GNL1: variants seen among roughly 807,000 people sequenced by gnomAD.
GNL1 encodes the protein G protein nucleolar 1, also known as guanine nucleotide-binding protein-like 1.
Under a neutral mutation model 75.2 loss-of-function variants are expected in GNL1, and 21 were observed. The observed-to-expected ratio is 0.28, with a 90% CI of 0.20 to 0.40. GNL1 has a LOEUF of 0.40. Ranked by LOEUF, GNL1 falls within the 10% of genes least tolerant of loss-of-function variation. The probability of loss-of-function intolerance (pLI) is 1.00; values close to 1 mark genes in which losing one functional copy is unlikely to be tolerated. For synonymous variants in GNL1, 287 were observed against 303.4 expected, an observed-to-expected ratio of 0.95 and a Z score of 0.56; for missense variants, 579 against 775.0, an observed-to-expected ratio of 0.75 and a Z score of 3.00.
intron 8 of GNL1, among the ~76,000 whole-genome samples, chr6:30,551,925 C>G (rs1037507540): frequency 2.0e-5 from 3 of 152,036 alleles, no homozygotes; most frequent in Non-Finnish European, 2.9e-5. Flanking sequence ...TGCAGTGGCA[C>G]AATCATAGCT....
In GNL1 at chr6:30,555,834, C is replaced by A; in HGVS notation, c.74-114G>T. On this transcript the variant is annotated intron_variant, in intron 1 of 11. Transcript: ENST00000376621. This position sits in a 1 kb window ranked among gnomAD's most constrained non-coding sequence, Gnocchi z 4.3. ...CACTCAACTTCTTCCGATGTTCAGTCCTCCCAGACACCCTATTTGGGACCC... is the reference window on the plus strand; with the variant it reads ...CACTCAACTTCTTCCGATGTTCAGTACTCCCAGACACCCTATTTGGGACCC... The A allele has an allele frequency of 8.8e-7, 1 of 1,142,734 alleles. No individual in the cohort carries two copies. Among genetic ancestry groups the A allele is most frequent in the African/African-American group, 1.5e-5 (1 of 65,240 alleles). The allele number at this position is 1,142,734 out of a possible 1,614,324, so 70.8% of individuals were successfully genotyped here.
rs1799486455 is a variant in GNL1 at position 30,546,911 on chromosome 6, G to A, written c.1442-75C>T. ...GTTATACTCCCACTCCCATAACACA[G>A]TCCTTCCAGTTTTCCCCAAAACATT... On this transcript the variant is annotated intron_variant, in intron 10 of 11. Coordinates refer to ENST00000376621, the MANE Select transcript of GNL1 (RefSeq NM_005275.5). This position sits in a 1 kb window ranked among gnomAD's most constrained non-coding sequence, Gnocchi z 5.1. 3 of 1,319,964 alleles carry A rather than the reference G, an allele frequency of 2.3e-6. No homozygotes were observed. The South Asian group carries it at 3.9e-5, about 17-fold the overall frequency. 81.8% of individuals were successfully genotyped at this position (1,319,964 alleles called of 1,614,324 possible). A position where few individuals can be genotyped will look rare whatever the true frequency, so the allele number is the denominator to read the frequency against.
rs1799359483 is a variant in GNL1, at chr6:30,544,825, G to C, written c.*1247C>G. The C allele has an allele frequency of 6.6e-6, 1 of 152,040 alleles. No homozygotes were observed. Among genetic ancestry groups the C allele is most frequent in the South Asian group, 2.1e-4 (1 of 4,828 alleles). 9.4% of individuals were successfully genotyped at this position (152,040 alleles called of 1,614,324 possible). Reference sequence around the variant, plus strand: ...AGATCCTGAAAGGATCTGCTTTAGAGAAAAAAGGAGTCTGGTACTTCTCAC... The same window carrying C: ...AGATCCTGAAAGGATCTGCTTTAGACAAAAAAGGAGTCTGGTACTTCTCAC... On this transcript the variant is annotated 3_prime_UTR_variant, in exon 12 of 12. Coordinates refer to ENST00000376621, the MANE Select transcript of GNL1 (RefSeq NM_005275.5).
chr6:30,549,588 A>C (rs1266757470), intron 8 of GNL1, among the ~76,000 whole-genome samples: 2 of 152,134 alleles, frequency 1.3e-5, no homozygotes, highest in Non-Finnish European at 2.9e-5. Flanking sequence ...TCACATTGCC[A>C]AGCCTGCTGA....
At position 30,546,621 on chromosome 6, in the gene GNL1, C is replaced by G; in HGVS notation, c.1582+75G>C. The G allele has an allele frequency of 1.6e-6, 2 of 1,256,566 alleles. No homozygotes were observed. Among genetic ancestry groups the G allele is most frequent in the South Asian group, 1.4e-5 (1 of 71,380 alleles). The allele number at this position is 1,256,566 out of a possible 1,614,324, so 77.8% of individuals were successfully genotyped here. A position where few individuals can be genotyped will look rare whatever the true frequency, so the allele number is the denominator to read the frequency against. On this transcript the variant is annotated intron_variant, in intron 11 of 11. Coordinates refer to ENST00000376621, the MANE Select transcript of GNL1 (RefSeq NM_005275.5). This position sits in a 1 kb window ranked among gnomAD's most constrained non-coding sequence, Gnocchi z 5.1. ...AGGTACAGAATCCAGGTTTGACCCT[C>G]TCTCTGGCCACAAAGCCCACACCCT...
intron 8 of GNL1, among the ~76,000 whole-genome samples, chr6:30,550,817 T>C (rs913036466): frequency 6.6e-6 from 1 of 152,136 alleles, no homozygotes; most frequent in Non-Finnish European, 1.5e-5. Flanking sequence ...TGGGCACTCT[T>C]GCTGGTCCTA....
intron 8 of GNL1, among the ~76,000 whole-genome samples, chr6:30,551,072 G>A (rs1287249014): frequency 6.6e-6 from 1 of 152,132 alleles, no homozygotes. Context: ...CATTTCCACA[G>A]CAGTATGTCC....
rs557939415 is a variant in GNL1 at position 30,547,689 on chromosome 6, C to T, written c.1100-159G>A. The T allele has an allele frequency of 4.7e-6, 3 of 632,256 alleles. No individual in the cohort carries two copies. The highest frequency in any genetic ancestry group is 8.1e-6 in the Non-Finnish European group (3 of 371,636). The allele number at this position is 632,256 out of a possible 1,614,324, so 39.2% of individuals were successfully genotyped here. Reference sequence around the variant, plus strand: ...CTGGGCTGCCAGGGTTAAATCCTGGCCCTTCCACTTACCAGCTTTGTGATG... The same window carrying T: ...CTGGGCTGCCAGGGTTAAATCCTGGTCCTTCCACTTACCAGCTTTGTGATG... On this transcript the variant is annotated intron_variant, in intron 8 of 11. Transcript: ENST00000376621. This position sits in a 1 kb window ranked among gnomAD's most constrained non-coding sequence, Gnocchi z 5.5.
rs1032103695 is a variant in GNL1 at position 30,548,558 on chromosome 6, T to G, written c.1100-1028A>C. ...TTCTTACTTGACTCAGATTTCATGA[T>G]CCAGCTCCTCAGCCAGGCCCGTTCA... On this transcript the variant is annotated intron_variant, in intron 8 of 11. Coordinates refer to ENST00000376621, the MANE Select transcript of GNL1 (RefSeq NM_005275.5). The surrounding 1 kb of genome is among the most constrained non-coding windows in gnomAD (Gnocchi z 4.2). 6.6e-6 allele frequency among the ~76,000 whole-genome samples: 1 copy of G among 152,152 alleles called. No homozygotes were observed. The highest frequency in any genetic ancestry group is 1.5e-5 in the Non-Finnish European group (1 of 68,028).
Position 30,555,775 on chromosome 6 carries a change from C to A in GNL1, c.74-55G>T. ...TGGCCAGCTCTCAGGGGCCATAAGA[C>A]CCTCTCCCCCATCGGCCTGACTCCC... is the stretch of plus-strand genomic sequence containing the variant. On this transcript the variant is annotated intron_variant, in intron 1 of 11. Coordinates refer to ENST00000376621, the MANE Select transcript of GNL1 (RefSeq NM_005275.5). This position sits in a 1 kb window ranked among gnomAD's most constrained non-coding sequence, Gnocchi z 4.3. 6.4e-7 allele frequency: 1 copy of A among 1,558,658 alleles called. No individual in the cohort carries two copies. Among genetic ancestry groups the A allele is most frequent in the Non-Finnish European group, 8.8e-7 (1 of 1,137,346 alleles).
In GNL1 at chr6:30,556,046, A is replaced by T; in HGVS notation, c.73+85T>A. ...CGCGGTCCCACGACCCCCTCCCACG[A>T]TCCCCAGAGGTGCAGCGGGCACACC... On this transcript the variant is annotated intron_variant, in intron 1 of 11. Transcript: ENST00000376621. The surrounding 1 kb of genome is among the most constrained non-coding windows in gnomAD (Gnocchi z 5.7). 6.6e-7 allele frequency: 1 copy of T among 1,525,190 alleles called. No individual in the cohort carries two copies. The highest frequency in any genetic ancestry group is 1.4e-5 in the African/African-American group (1 of 73,444). The allele number at this position is 1,525,190 out of a possible 1,614,324, so 94.5% of individuals were successfully genotyped here. A position where few individuals can be genotyped will look rare whatever the true frequency, so the allele number is the denominator to read the frequency against.
In GNL1 at chr6:30,546,846, GA is replaced by G. The variant is rs757838072; in HGVS notation, c.1442-11del. The G allele has an allele frequency of 8.2e-6, 13 of 1,581,238 alleles. No individual in the cohort carries two copies. The highest frequency in any genetic ancestry group is 1.8e-5 in the Admixed American group (1 of 56,240). On this transcript the variant is annotated splice_polypyrimidine_tract_variant and intron_variant, in intron 10 of 11. Coordinates refer to ENST00000376621, the MANE Select transcript of GNL1 (RefSeq NM_005275.5). This position sits in a 1 kb window ranked among gnomAD's most constrained non-coding sequence, Gnocchi z 5.1. ...CGTTTCTCTGCCCAGGCTGGAGGAA[GA>G]AAAGAATAATGGAAAGGGAAAGCAT...
At position 30,555,438 on chromosome 6, in the gene GNL1, C is replaced by G. The variant is rs1424850453; in HGVS notation, c.239+117G>C. On this transcript the variant is annotated intron_variant, in intron 2 of 11. Transcript: ENST00000376621. The surrounding 1 kb of genome is among the most constrained non-coding windows in gnomAD (Gnocchi z 4.3). ...CCGCTGTGGGGAGCCGAGTGGCTAG[C>G]GGAGAACTGTGGCATCCCAGGCCCA... 1 of 1,091,782 alleles carries G rather than the reference C, an allele frequency of 9.2e-7. No homozygotes were observed. Among genetic ancestry groups the G allele is most frequent in the East Asian group, 2.4e-5 (1 of 42,064 alleles). The allele number at this position is 1,091,782 out of a possible 1,614,324, so 67.6% of individuals were successfully genotyped here.
rs142734504 is a variant in GNL1, at chr6:30,552,628, C to G, written c.938G>C (p.Arg313Pro). 1 of 1,613,922 alleles carries G rather than the reference C, an allele frequency of 6.2e-7. No homozygotes were observed. Among genetic ancestry groups the G allele is most frequent in the Non-Finnish European group, 8.5e-7 (1 of 1,179,926 alleles). The change falls in exon 8 of 12, where the codon CGG becomes CCG. Residue 313 changes from arginine (R) to proline (P), a missense_variant. By Grantham distance (103) the Arg-to-Pro change is moderately radical (BLOSUM62 -2). Transcript: ENST00000376621. The surrounding 1 kb of genome is among the most constrained non-coding windows in gnomAD (Gnocchi z 4.5). Reference sequence around the variant, plus strand: ...ACCCCAGGTGGCCCCAGCCACATCCCGAGCAATCTTCTCCCGCCAGCTGCT... The same window carrying G: ...ACCCCAGGTGGCCCCAGCCACATCCGGAGCAATCTTCTCCCGCCAGCTGCT... ...DLSSWREKIA[R>P]DVAGATWGNG...
At chr6:30,553,229 T>C (rs372722311) in intron 6 of GNL1, 50 bp from the exon 7 acceptor site, 312 of 1,469,352 alleles carry the variant, frequency 2.1e-4, no homozygotes, top group East Asian at 3.8e-4. Flanking sequence ...AGGCCTCTCA[T>C]CTCTCCCACC....
In GNL1 at chr6:30,555,972, G is replaced by A. The variant is rs956200936; in HGVS notation, c.73+159C>T. Reference sequence around the variant, plus strand: ...TCTCCATCCTTCCCCACCCCTTCCAGATGTAGGGGGGGTGGGGGATCCCCT... The same window carrying A: ...TCTCCATCCTTCCCCACCCCTTCCAAATGTAGGGGGGGTGGGGGATCCCCT... On this transcript the variant is annotated intron_variant, in intron 1 of 11. Transcript: ENST00000376621. The surrounding 1 kb of genome is among the most constrained non-coding windows in gnomAD (Gnocchi z 4.3). 1 of 938,502 alleles carries A rather than the reference G, an allele frequency of 1.1e-6. No homozygotes were observed. The highest frequency in any genetic ancestry group is 1.6e-6 in the Non-Finnish European group (1 of 616,242). The allele number at this position is 938,502 out of a possible 1,614,324, so 58.1% of individuals were successfully genotyped here.
rs1366518230 is a variant in GNL1 at position 30,553,488 on chromosome 6, A to G, written c.670T>C (p.Leu224=). The G allele has an allele frequency of 2.5e-6, 4 of 1,612,886 alleles. No homozygotes were observed. Among genetic ancestry groups the G allele is most frequent in the Non-Finnish European group, 3.4e-6 (4 of 1,179,974 alleles). The change falls in exon 6 of 12, where the codon TTG becomes CTG. Residue 224 remains leucine (L), a synonymous_variant. Coordinates refer to ENST00000376621, the MANE Select transcript of GNL1 (RefSeq NM_005275.5). ...GELGLALVLV[L]NKVDLAPPAL... is the part of the protein sequence containing the mutation. ...GGCGGGGCCAGATCCACCTTGTTCA[A>G]AACCAGCACCAGGGCCAGTCCAAGT...
In GNL1 at chr6:30,552,530, T is replaced by C. The variant is rs780470520; in HGVS notation, c.1036A>G (p.Met346Val). Residue 346 changes from methionine (M) to valine (V), a missense_variant, in exon 8 of 12, where the codon ATG (methionine) becomes GTG (valine). Met to Val is a conservative substitution (Grantham distance 21). Coordinates refer to ENST00000376621, the MANE Select transcript of GNL1 (RefSeq NM_005275.5). The surrounding 1 kb of genome is among the most constrained non-coding windows in gnomAD (Gnocchi z 4.5). ...VLVEQQTDSA[M>V]EPTGPTQERY... ...TCTTGGGTTGGGCCAGTTGGCTCCA[T>C]TGCTGAATCAGTCTGCTGCTCCACC... The C allele has an allele frequency of 1.4e-5, 22 of 1,614,136 alleles. No individual in the cohort carries two copies. The highest frequency in any genetic ancestry group is 1.2e-4 in the South Asian group (11 of 91,090).
chr6:30,551,481 A>G (rs2844713), intron 8 of GNL1, among the ~76,000 whole-genome samples: 101,032 of 151,982 alleles, frequency 0.66, 33,668 homozygotes, highest in South Asian at 0.76. Context: ...ATATCACCTC[A>G]GATACCATAA....
Sources: gnomAD v4.1 joint callset for allele counts (sites outside exome capture counted in the v4.1 genomes callset) on GRCh38, gnomAD v4.1.1 for gene constraint, Gnocchi (gnomAD v3.1) non-coding constraint, MANE v1.5 for transcripts, NCBI Gene and HGNC (gene_info 2026-07-23, HGNC 2026-07-21) for gene names.